The following SEPTIN9 variants were observed in gnomAD, a reference collection of about 807,000 sequenced individuals.
The protein encoded by SEPTIN9 is septin 9.
In SEPTIN9, 13 loss-of-function variants were observed where a neutral mutation model predicts 56.6. The observed-to-expected ratio is 0.23, with a 90% confidence interval of 0.15 to 0.37. SEPTIN9 has a LOEUF of 0.37. Among genes scored for constraint, SEPTIN9 ranks in the 10% least tolerant of loss-of-function variants. The pLI, the probability that SEPTIN9 is intolerant of heterozygous loss-of-function variation, is 1.00. For missense variants in SEPTIN9, 650 were observed against 823.1 expected (o/e 0.79, Z 2.57); for synonymous variants, 332 against 334.1 (o/e 0.99, Z 0.07).
chr17:77,482,097 G>A (rs1377351291), intron 3 of SEPTIN9, 47 bp from the exon 4 acceptor site: 5 of 1,502,902 alleles, frequency 3.3e-6, no homozygotes, highest in Non-Finnish European at 4.5e-6. Flanking sequence ...AGGCGCCTGT[G>A]TGTGAGCCCC....
At chr17:77,477,337 C>T (rs902848612) in intron 3 of SEPTIN9, among the ~76,000 whole-genome samples, 7 of 152,202 alleles carry the variant, frequency 4.6e-5, no homozygotes, top group African/African-American at 1.7e-4. Context: ...TGGAAATCAC[C>T]AATCTGCGCT....
At position 77,475,422 on chromosome 17, in the gene SEPTIN9, C is replaced by T. The variant is rs968628762; in HGVS notation, c.722-6722C>T. On this transcript the variant is annotated intron_variant, in intron 3 of 11. Coordinates refer to ENST00000427177, the MANE Select transcript of SEPTIN9 (RefSeq NM_001113491.2). The surrounding 1 kb of genome is among the most constrained non-coding windows in gnomAD (Gnocchi z 4.6). ...AGCAGCCCTGGCCGGACACTGTCCT[C>T]CTAGCATTGCCTGCATCAGGGACTC... 3.4e-6 allele frequency: 5 copies of T among 1,490,604 alleles called. No individual in the cohort carries two copies. Among genetic ancestry groups the T allele is most frequent in the Non-Finnish European group, 4.4e-6 (5 of 1,124,308 alleles). 92.3% of individuals were successfully genotyped at this position (1,490,604 alleles called of 1,614,324 possible).
At chr17:77,423,537 G>A (rs760543710) in intron 3 of SEPTIN9, among the ~76,000 whole-genome samples, 1 of 152,224 alleles carries the variant, frequency 6.6e-6, no homozygotes, top group South Asian at 2.1e-4. Flanking sequence ...TGAATGTGGG[G>A]GCCCCTGTTG....
intron 4 of SEPTIN9, 145 bp downstream of exon 4, chr17:77,482,480 T>A: frequency 1.2e-6 from 1 of 832,522 alleles, no homozygotes; most frequent in Non-Finnish European, 2.0e-6. Flanking sequence ...CCAGTGACAT[T>A]GCGTGTGCAT....
chr17:77,468,138 G>A (rs2038830230), intron 3 of SEPTIN9, among the ~76,000 whole-genome samples: 2 of 152,248 alleles, frequency 1.3e-5, no homozygotes, highest in Middle Eastern at 3.4e-3. Flanking sequence ...GGTGGCGGGC[G>A]CCTGTAATCC....
In SEPTIN9 at chr17:77,492,467, A is replaced by G. The variant is rs1375414649; in HGVS notation, c.1381-154A>G. 6.6e-6 allele frequency among the ~76,000 whole-genome samples: 1 copy of G among 152,074 alleles called. No homozygotes were observed. Among genetic ancestry groups the G allele is most frequent in the Non-Finnish European group, 1.5e-5 (1 of 68,002 alleles). On this transcript the variant is annotated intron_variant, in intron 8 of 11. Coordinates refer to ENST00000427177, the MANE Select transcript of SEPTIN9 (RefSeq NM_001113491.2). This position sits in a 1 kb window ranked among gnomAD's most constrained non-coding sequence, Gnocchi z 5.4. ...TGCCCCTCTTCCCTCCAGGAGGCAC[A>G]GGAGTTGGAGGTGATTGGTGTCACA...
chr17:77,448,159 T>TA (rs1329209057), intron 3 of SEPTIN9, among the ~76,000 whole-genome samples: 6 of 152,128 alleles, frequency 3.9e-5, no homozygotes, highest in African/African-American at 1.2e-4. Flanking sequence ...GATGACCTGG[T>TA]ATTATCCTAG....
In SEPTIN9 at chr17:77,488,713, C is replaced by T. The variant is rs932988422; in HGVS notation, c.1125-14C>T. On this transcript the variant is annotated splice_polypyrimidine_tract_variant and intron_variant, in intron 6 of 11. Transcript: ENST00000427177. The stretch of plus-strand genomic sequence containing the variant: ...TCTCATGTGCCTGCTGACTCGTCCC[C>T]ATCCCCCACGCAGCTGGCAGCCCAT... The T allele has an allele frequency of 4.3e-6, 7 of 1,613,520 alleles. No homozygotes were observed. The Admixed American group carries it at 1.0e-4, about 23-fold the overall frequency.
At chr17:77,485,247 G>A (rs546722560) in intron 4 of SEPTIN9, among the ~76,000 whole-genome samples, 9 of 140,150 alleles carry the variant, frequency 6.4e-5, no homozygotes, top group African/African-American at 1.9e-4. Context: ...TGGTGATTGT[G>A]ATGGTGGTGA....
chr17:77,495,787 G>A (rs140643243), intron 10 of SEPTIN9, among the ~76,000 whole-genome samples: 12 of 152,302 alleles, frequency 7.9e-5, no homozygotes, highest in East Asian at 1.9e-4. Context: ...AAAGGCAACC[G>A]GCATAGCACT....
In SEPTIN9 at chr17:77,451,348, A is replaced by G. The variant is rs1304040737; in HGVS notation, c.722-30796A>G. Reference sequence around the variant, plus strand: ...CCCTGCCCCCTTGGAGCAATTCCCCACCGAGCCTCCCTTCCCAGGCAGTCG... The same window carrying G: ...CCCTGCCCCCTTGGAGCAATTCCCCGCCGAGCCTCCCTTCCCAGGCAGTCG... On this transcript the variant is annotated intron_variant, in intron 3 of 11. Coordinates refer to ENST00000427177, the MANE Select transcript of SEPTIN9 (RefSeq NM_001113491.2). The surrounding 1 kb of genome is among the most constrained non-coding windows in gnomAD (Gnocchi z 4.2). 12 of 984,218 alleles carry G rather than the reference A, an allele frequency of 1.2e-5. No individual in the cohort carries two copies. The highest frequency in any genetic ancestry group is 1.4e-5 in the Non-Finnish European group (12 of 829,658). The allele number at this position is 984,218 out of a possible 1,614,324, so 61.0% of individuals were successfully genotyped here. A position where few individuals can be genotyped will look rare whatever the true frequency, so the allele number is the denominator to read the frequency against.
In SEPTIN9 at chr17:77,500,518, A is replaced by G. The variant is rs1568131087; in HGVS notation, c.*1860A>G. 9.5e-6 allele frequency: 2 copies of G among 209,536 alleles called. No individual in the cohort carries two copies. Among genetic ancestry groups the G allele is most frequent in the East Asian group, 7.2e-5 (1 of 13,950 alleles). 13.0% of individuals were successfully genotyped at this position (209,536 alleles called of 1,614,324 possible). ...GCCTTTTGCTACGTGCCTCCCGAGA[A>G]ATTTGTCTTTTTGTATAAATGACAA... On this transcript the variant is annotated 3_prime_UTR_variant, in exon 12 of 12. Coordinates refer to ENST00000427177, the MANE Select transcript of SEPTIN9 (RefSeq NM_001113491.2).
intron 3 of SEPTIN9, chr17:77,428,877 T>C (rs1417762001): frequency 1.2e-5 from 5 of 406,802 alleles, no homozygotes; most frequent in Non-Finnish European, 2.6e-5. Flanking sequence ...GGTTATTGAC[T>C]CTGAATTTGC....
intron 4 of SEPTIN9, chr17:77,483,305 G>A (rs2039536057): frequency 6.5e-6 from 1 of 152,914 alleles, no homozygotes; most frequent in Non-Finnish European, 1.5e-5. Context: ...GGCTCCCCTG[G>A]GGTCTTGGTG....
At chr17:77,363,379 CTTTTTTT>C (rs34313886) in intron 2 of SEPTIN9, among the ~76,000 whole-genome samples, 6 of 66,614 alleles carry the variant, frequency 9.0e-5, no homozygotes, top group African/African-American at 1.2e-4. Flanking sequence ...TTGGGCCTGT[CTTTTTTT>C]TTTTTTTTTT....
chr17:77,488,674 G>C, intron 6 of SEPTIN9, 53 bp from the exon 7 acceptor site: 1 of 1,610,846 alleles, frequency 6.2e-7, no homozygotes, highest in Non-Finnish European at 8.5e-7. Flanking sequence ...TGCACGACCT[G>C]CTTGGGGAGG....
intron 3 of SEPTIN9, among the ~76,000 whole-genome samples, chr17:77,411,297 A>C (rs1247322656): frequency 2.6e-5 from 4 of 152,230 alleles, no homozygotes; most frequent in Non-Finnish European, 4.4e-5. Context: ...TAGACTTTTC[A>C]AGAACACAAA....
chr17:77,496,783 C>T (rs1568125500), intron 10 of SEPTIN9, among the ~76,000 whole-genome samples: 1 of 152,346 alleles, frequency 6.6e-6, no homozygotes, highest in South Asian at 2.1e-4. Flanking sequence ...TGTGTGTGTC[C>T]CTGTGTGTGT....
intron 2 of SEPTIN9, among the ~76,000 whole-genome samples, chr17:77,324,335 T>A (rs990936839): frequency 1.3e-5 from 2 of 152,212 alleles, no homozygotes; most frequent in Non-Finnish European, 2.9e-5. Context: ...CCCCCTGTTG[T>A]CCCCGTGTGT....
Sources: allele counts gnomAD v4.1 joint callset (sites outside exome capture counted in the v4.1 genomes callset), GRCh38; gene constraint gnomAD v4.1.1; non-coding constraint Gnocchi (gnomAD v3.1); transcripts MANE v1.5; gene names NCBI Gene and HGNC (gene_info 2026-07-23, HGNC 2026-07-21).